The following LMO7 variants were observed in gnomAD, a reference collection of about 807,000 sequenced individuals.
LMO7 encodes LIM domain 7.
LMO7 carries 120 observed loss-of-function variants against 206.5 expected under a neutral mutation model. The observed-to-expected ratio is 0.58, with a 90% CI of 0.50 to 0.68. The LOEUF is 0.68. LMO7 is among the 30% of genes least tolerant of loss of function. The probability of loss-of-function intolerance (pLI) is 0.00; values close to 1 mark genes in which losing one functional copy is unlikely to be tolerated. For missense variants in LMO7, 1,959 were observed against 1,957.9 expected (o/e 1.00, Z -0.01); for synonymous variants, 706 against 681.5 (o/e 1.04, Z -0.56).
At chr13:75,731,813 A>G (rs2045262260) in intron 3 of LMO7, among the ~76,000 whole-genome samples, 2 of 151,866 alleles carry the variant, frequency 1.3e-5, no homozygotes. Context: ...GAGCTCTTTT[A>G]GGGCAGGCCT....
intron 4 of LMO7, among the ~76,000 whole-genome samples, chr13:75,784,818 T>C (rs1206281282): frequency 1.3e-5 from 2 of 152,200 alleles, no homozygotes; most frequent in Non-Finnish European, 2.9e-5. Context: ...CTATTTAATC[T>C]TGTACATGCT....
At chr13:75,663,432 C>CTTTCTTTCTTTCTTT (rs1555289857) in intron 1 of LMO7, among the ~76,000 whole-genome samples, 89 of 111,374 alleles carry the variant, frequency 8.0e-4, no homozygotes, top group African/African-American at 3.1e-3. Context: ...TTCTTTCTTT[C>CTTTCTTTCTTTCTTT]TTTTTTTTTT....
chr13:75,709,119 A>G (rs2042881138), intron 1 of LMO7, among the ~76,000 whole-genome samples: 1 of 152,174 alleles, frequency 6.6e-6, no homozygotes, highest in South Asian at 2.1e-4. Context: ...CCTAAAAAGG[A>G]CATGAACTCA....
At chr13:75,728,234 C>T (rs1381740299) in intron 3 of LMO7, among the ~76,000 whole-genome samples, 1 of 152,128 alleles carries the variant, frequency 6.6e-6, no homozygotes, top group Non-Finnish European at 1.5e-5. Flanking sequence ...GTTTACAGTC[C>T]CACCAACAGT....
chr13:75,648,220 T>C (rs2139100435), intron 1 of LMO7, among the ~76,000 whole-genome samples: 1 of 152,336 alleles, frequency 6.6e-6, no homozygotes, highest in East Asian at 1.9e-4. Flanking sequence ...AGTGTTGGGA[T>C]TGCAGGCGTG....
intron 1 of LMO7, among the ~76,000 whole-genome samples, chr13:75,676,994 T>A (rs1170914350): frequency 1.3e-5 from 2 of 152,248 alleles, no homozygotes; most frequent in African/African-American, 4.8e-5. Flanking sequence ...TACAAATTTA[T>A]TTTGAACAAC....
chr13:75,749,431 G>T (rs2047107270), intron 3 of LMO7, among the ~76,000 whole-genome samples: 2 of 152,246 alleles, frequency 1.3e-5, no homozygotes, highest in African/African-American at 4.8e-5. Context: ...TCTCATTTTT[G>T]ATGTAAAGTT....
At chr13:75,711,681 T>G (rs1001748809) in intron 1 of LMO7, among the ~76,000 whole-genome samples, 2 of 152,168 alleles carry the variant, frequency 1.3e-5, no homozygotes, top group East Asian at 3.9e-4. Context: ...AATGCAGAAA[T>G]CACCCGTCTT....
intron 24 of LMO7, 63 bp from the exon 25 acceptor site, chr13:75,842,788 T>A (rs1358733341): frequency 9.8e-7 from 1 of 1,019,658 alleles, no homozygotes; most frequent in Non-Finnish European, 1.5e-6. Flanking sequence ...TACCCTTTTC[T>A]TAAACTCAGG....
chr13:75,732,848 A>G (rs1236774203), intron 3 of LMO7, among the ~76,000 whole-genome samples: 1 of 151,956 alleles, frequency 6.6e-6, no homozygotes, highest in Non-Finnish European at 1.5e-5. Context: ...AACAGACAGG[A>G]CCCTCAGCTG....
chr13:75,798,809 G>A (rs1057226612), intron 6 of LMO7, among the ~76,000 whole-genome samples: 7 of 152,170 alleles, frequency 4.6e-5, no homozygotes, highest in African/African-American at 1.2e-4. Context: ...ACTTGTCAGC[G>A]TGCCTCCTTA....
intron 3 of LMO7, among the ~76,000 whole-genome samples, chr13:75,727,562 T>C (rs1594560612): frequency 6.6e-6 from 1 of 152,140 alleles, no homozygotes; most frequent in Admixed American, 6.6e-5. Context: ...TAATATGTAC[T>C]TATGTATATA....
intron 9 of LMO7, chr13:75,806,059 A>G (rs2055422159): frequency 1.8e-6 from 2 of 1,140,130 alleles, no homozygotes; most frequent in Non-Finnish European, 2.2e-6. Context: ...CACTCACAGT[A>G]GAAGGAATTC....
intron 9 of LMO7, chr13:75,807,260 G>A (rs1171593525): frequency 5.5e-6 from 3 of 540,942 alleles, no homozygotes; most frequent in East Asian, 3.1e-5. Flanking sequence ...AGTATGCTCT[G>A]CTCTTATTTC....
intron 1 of LMO7, among the ~76,000 whole-genome samples, chr13:75,708,036 C>T (rs530546570): frequency 2.0e-5 from 3 of 152,108 alleles, no homozygotes; most frequent in African/African-American, 7.2e-5. Flanking sequence ...CTATATGATG[C>T]GGAGGTGTGT....
At chr13:75,769,948 C>A (rs943294087) in intron 4 of LMO7, among the ~76,000 whole-genome samples, 1 of 151,988 alleles carries the variant, frequency 6.6e-6, no homozygotes, top group Non-Finnish European at 1.5e-5. Flanking sequence ...TTTGGCTGAC[C>A]AATCACTAGA....
At chr13:75,674,212 TAAAG>T (rs1443483676) in intron 1 of LMO7, among the ~76,000 whole-genome samples, 2 of 152,208 alleles carry the variant, frequency 1.3e-5, no homozygotes, top group African/African-American at 2.4e-5. Context: ...TTTGTACTCT[TAAAG>T]AAAACAATGC....
intron 3 of LMO7, among the ~76,000 whole-genome samples, chr13:75,732,057 A>T (rs891829894): frequency 1.3e-5 from 2 of 151,094 alleles, no homozygotes. Flanking sequence ...TGCCCTTAAC[A>T]TTTTTTCCTT....
At chr13:75,804,141 A>G in intron 7 of LMO7, 148 bp from the exon 8 acceptor site, 1 of 794,446 alleles carries the variant, frequency 1.3e-6, no homozygotes, top group Non-Finnish European at 2.0e-6. Flanking sequence ...TCTTATCACA[A>G]CTTCGTGACA....
Sources: gnomAD v4.1 joint callset for allele counts (sites outside exome capture counted in the v4.1 genomes callset) on GRCh38, gnomAD v4.1.1 for gene constraint, MANE v1.5 for transcripts, NCBI Gene and HGNC (gene_info 2026-07-23, HGNC 2026-07-21) for gene names.